The following PRKAA1 variants were observed in gnomAD, a reference collection of about 807,000 sequenced individuals.
PRKAA1 encodes the protein protein kinase AMP-activated catalytic subunit alpha 1.
A neutral mutation model predicts 56.9 loss-of-function variants in PRKAA1; 23 were observed. The observed-to-expected ratio is 0.40, with a 90% CI of 0.29 to 0.57. The LOEUF (loss-of-function observed/expected upper bound fraction) is 0.57, where lower values mean the gene tolerates loss of function less well. Ranked by LOEUF, PRKAA1 falls within the 20% of genes least tolerant of loss-of-function variation. The pLI is 0.39. For synonymous variants in PRKAA1, 226 were observed against 227.0 expected (o/e 1.00, Z 0.04); for missense variants, 413 against 679.7 (o/e 0.61, Z 4.36).
In PRKAA1 at chr5:40,762,557, A is replaced by T. The variant is rs1421305162; in HGVS notation, c.*221T>A. ...AGACCTATAATTCACTGTGTATATT[A>T]TGCTATATACATACTGCACAATGAA... is the stretch of plus-strand genomic sequence containing the variant. On this transcript the variant is annotated 3_prime_UTR_variant, in exon 9 of 9. Transcript: ENST00000397128. 2 of 536,772 alleles carry T rather than the reference A, an allele frequency of 3.7e-6. No individual in the cohort carries two copies. The highest frequency in any genetic ancestry group is 6.5e-6 in the Non-Finnish European group (2 of 308,202). The allele number at this position is 536,772 out of a possible 1,614,324, so 33.3% of individuals were successfully genotyped here. A position where few individuals can be genotyped will look rare whatever the true frequency, so the allele number is the denominator to read the frequency against.
chr5:40,787,839 C>T (rs544234595), intron 1 of PRKAA1, among the ~76,000 whole-genome samples: 1 of 152,260 alleles, frequency 6.6e-6, no homozygotes, highest in African/African-American at 2.4e-5. Flanking sequence ...TAAGTCCTTA[C>T]CTATCAATAA....
chr5:40,796,979 G>GA (rs35537516), intron 1 of PRKAA1, among the ~76,000 whole-genome samples: 85 of 149,426 alleles, frequency 5.7e-4, no homozygotes, highest in Middle Eastern at 6.9e-3. Context: ...ATATGTTAAA[G>GA]AAAAAAAAAA....
chr5:40,795,004 T>TACACACACACACACAC (rs776449388), intron 1 of PRKAA1, among the ~76,000 whole-genome samples: 53 of 137,590 alleles, frequency 3.9e-4, no homozygotes, highest in African/African-American at 6.3e-4. Context: ...TGTATACATA[T>TACACACACACACACAC]ATATACACAC....
At chr5:40,797,668 C>T (rs1248022463) in intron 1 of PRKAA1, among the ~76,000 whole-genome samples, 4 of 152,248 alleles carry the variant, frequency 2.6e-5, no homozygotes, top group African/African-American at 4.8e-5. Context: ...TGGCCCTGAG[C>T]CAAGGGAGCA....
chr5:40,783,760 A>C (rs1744360202), intron 1 of PRKAA1, among the ~76,000 whole-genome samples: 1 of 151,370 alleles, frequency 6.6e-6, no homozygotes, highest in Non-Finnish European at 1.5e-5. Flanking sequence ...CTCCATCTCA[A>C]AAAAAAAAAT....
chr5:40,793,481 T>C (rs988178219), intron 1 of PRKAA1, among the ~76,000 whole-genome samples: 4 of 152,238 alleles, frequency 2.6e-5, no homozygotes, highest in Non-Finnish European at 5.9e-5. Context: ...TTAAATTTCC[T>C]ATAAGCATGG....
intron 1 of PRKAA1, among the ~76,000 whole-genome samples, chr5:40,785,878 A>AGAGAGGGAGAGAGAGC (rs1454892834): frequency 3.8e-4 from 57 of 149,130 alleles, no homozygotes; most frequent in African/African-American, 1.3e-3. Context: ...AGAGAGAGAG[A>AGAGAGGGAGAGAGAGC]GCAAGCGAGC....
chr5:40,763,846 A>G (rs1670597734), intron 8 of PRKAA1, among the ~76,000 whole-genome samples: 1 of 152,214 alleles, frequency 6.6e-6, no homozygotes, highest in African/African-American at 2.4e-5. Context: ...TGTGTGTACT[A>G]TCTTTGAGTT....
In PRKAA1 at chr5:40,768,606, A is replaced by T. The variant is rs879062613; in HGVS notation, c.596+810T>A. On this transcript the variant is annotated intron_variant, in intron 5 of 8. Transcript: ENST00000397128. ...TACTCACAGCCATATTTTTACACAA[A>T]TCTCATTTCTTTGAGCAGTCTAGGC... 1.8e-5 allele frequency: 19 copies of T among 1,060,668 alleles called. No individual in the cohort carries two copies. In the South Asian group the frequency reaches 7.7e-4, roughly 43 times the overall value. 65.7% of individuals were successfully genotyped at this position (1,060,668 alleles called of 1,614,324 possible).
intron 2 of PRKAA1, 118 bp from the exon 3 acceptor site, chr5:40,775,621 G>A (rs939267711): frequency 1.3e-6 from 1 of 743,154 alleles, no homozygotes; most frequent in Non-Finnish European, 2.2e-6. Context: ...AAAAACTGCA[G>A]GAAACAAAAA....
chr5:40,776,845 A>AT (rs1744026710), intron 2 of PRKAA1, among the ~76,000 whole-genome samples: 1 of 152,160 alleles, frequency 6.6e-6, no homozygotes, highest in Admixed American at 6.5e-5. Flanking sequence ...TTTTACTAGC[A>AT]GATCACTGTT....
intron 3 of PRKAA1, among the ~76,000 whole-genome samples, chr5:40,773,509 A>T: frequency 6.6e-6 from 1 of 152,220 alleles, no homozygotes; most frequent in Non-Finnish European, 1.5e-5. Flanking sequence ...CTCTTGAAAC[A>T]TCACTAAAAT....
intron 8 of PRKAA1, among the ~76,000 whole-genome samples, chr5:40,763,455 C>G (rs1411192084): frequency 2.6e-5 from 4 of 152,074 alleles, no homozygotes; most frequent in Admixed American, 6.6e-5. Context: ...AATGACTTGC[C>G]CAAGGTAACA....
intron 1 of PRKAA1, among the ~76,000 whole-genome samples, chr5:40,778,060 G>A (rs1210843490): frequency 2.0e-5 from 3 of 151,762 alleles, no homozygotes; most frequent in Admixed American, 6.6e-5. Flanking sequence ...GGCAACAAGA[G>A]CAAAACTCTG....
At chr5:40,784,849 C>T (rs889888342) in intron 1 of PRKAA1, among the ~76,000 whole-genome samples, 3 of 152,100 alleles carry the variant, frequency 2.0e-5, no homozygotes, top group African/African-American at 7.2e-5. Flanking sequence ...AAAACTTCAA[C>T]CCAGGTCAGA....
At chr5:40,787,775 A>T (rs1188386788) in intron 1 of PRKAA1, among the ~76,000 whole-genome samples, 2 of 152,070 alleles carry the variant, frequency 1.3e-5, no homozygotes, top group Non-Finnish European at 2.9e-5. Flanking sequence ...GTAATAGAGA[A>T]AGGGACAAAG....
chr5:40,785,880 C>T (rs1390658986), intron 1 of PRKAA1, among the ~76,000 whole-genome samples: 1 of 122,524 alleles, frequency 8.2e-6, no homozygotes, highest in East Asian at 2.1e-4. Context: ...AGAGAGAGAG[C>T]AAGCGAGCGC....
intron 4 of PRKAA1, 105 bp from the exon 5 acceptor site, chr5:40,769,608 T>G (rs1743626014): frequency 3.2e-6 from 3 of 938,850 alleles, no homozygotes; most frequent in African/African-American, 3.3e-5. Flanking sequence ...AAATCATCAT[T>G]TTGTTATTTG....
Position 40,769,277 on chromosome 5 carries a change from T to C in PRKAA1, c.596+139A>G, listed in dbSNP as rs541691288. On this transcript the variant is annotated intron_variant, in intron 5 of 8. Transcript: ENST00000397128. ...TTGACTTGTAGTCCTTAACCCTCAT[T>C]CACATATAAATGTGGTTAAGAATAA... 1.5e-3 allele frequency: 1,023 copies of C among 676,006 alleles called. 3 individuals carry two copies. The highest frequency in any genetic ancestry group is 0.013 in the African/African-American group (689 of 54,574). 41.9% of individuals were successfully genotyped at this position (676,006 alleles called of 1,614,324 possible).
Sources: allele counts gnomAD v4.1 joint callset (sites outside exome capture counted in the v4.1 genomes callset), GRCh38; gene constraint gnomAD v4.1.1; transcripts MANE v1.5; gene names NCBI Gene and HGNC (gene_info 2026-07-23, HGNC 2026-07-21).